EFL1: variants seen among roughly 807,000 people sequenced by gnomAD.
The protein encoded by EFL1 is elongation factor like GTPase 1.
A neutral mutation model predicts 126.7 loss-of-function variants in EFL1; 76 were observed. The observed-to-expected ratio is 0.60, with a 90% confidence interval of 0.50 to 0.73. The LOEUF (loss-of-function observed/expected upper bound fraction) is 0.73, where lower values mean the gene tolerates loss of function less well. EFL1 is among the 30% of genes least tolerant of loss of function. The pLI is 0.00. For missense variants in EFL1, 1,128 were observed against 1,343.2 expected, an observed-to-expected ratio of 0.84 and a Z score of 2.50; for synonymous variants, 410 against 448.4, an observed-to-expected ratio of 0.91 and a Z score of 1.08.
At chr15:82,215,463 T>C (rs1373106315) in intron 14 of EFL1, 2 of 152,094 alleles carry the variant, frequency 1.3e-5, no homozygotes, top group African/African-American at 4.8e-5. Context: ...ACAGCAAAAA[T>C]ATACAAGTAC....
At chr15:82,252,920 T>C in intron 3 of EFL1, 145 bp from the exon 4 acceptor site, 1 of 636,572 alleles carries the variant, frequency 1.6e-6, no homozygotes, top group Non-Finnish European at 2.7e-6. Flanking sequence ...CTTGCTATGT[T>C]GCCCACACTA....
chr15:82,139,624 A>G (rs1472454415), intron 18 of EFL1, among the ~76,000 whole-genome samples: 8 of 152,252 alleles, frequency 5.3e-5, no homozygotes, highest in Non-Finnish European at 1.2e-4. Flanking sequence ...CAGACCCTGC[A>G]AAGAATAGAG....
intron 16 of EFL1, among the ~76,000 whole-genome samples, chr15:82,162,871 A>T (rs753276189): frequency 2.6e-5 from 4 of 152,232 alleles, no homozygotes; most frequent in Non-Finnish European, 2.9e-5. Flanking sequence ...ACACCTCAAC[A>T]GAAAACTACC....
At chr15:82,217,751 G>A (rs1460783069) in intron 14 of EFL1, among the ~76,000 whole-genome samples, 2 of 152,192 alleles carry the variant, frequency 1.3e-5, no homozygotes, top group African/African-American at 4.8e-5. Context: ...CTTCTCGAGT[G>A]TGAGTGGGAC....
At chr15:82,217,373 G>GAAAAAAAAAAAAA in intron 14 of EFL1, among the ~76,000 whole-genome samples, 3 of 27,148 alleles carry the variant, frequency 1.1e-4, no homozygotes, top group African/African-American at 1.5e-4. Flanking sequence ...GATTAGATTT[G>GAAAAAAAAAAAAA]AAAAAAAAAA....
intron 19 of EFL1, among the ~76,000 whole-genome samples, chr15:82,133,958 C>G (rs1337183377): frequency 1.3e-5 from 2 of 152,144 alleles, no homozygotes; most frequent in Non-Finnish European, 2.9e-5. Flanking sequence ...CCAGAGTGAA[C>G]GTGGTGTGAG....
chr15:82,149,949 G>C (rs1355003568), intron 18 of EFL1, among the ~76,000 whole-genome samples: 1 of 152,126 alleles, frequency 6.6e-6, no homozygotes, highest in Non-Finnish European at 1.5e-5. Flanking sequence ...AAAGATTTGA[G>C]GGATTAAGAT....
chr15:82,183,561 T>G (rs2074273607), intron 15 of EFL1, among the ~76,000 whole-genome samples: 1 of 152,070 alleles, frequency 6.6e-6, no homozygotes, highest in Non-Finnish European at 1.5e-5. Flanking sequence ...TGAGAACAGG[T>G]TTGGTGATAA....
At position 82,204,952 on chromosome 15, in the gene EFL1, C is replaced by G. The variant is rs151227208; in HGVS notation, c.1750+9765G>C. Among the ~76,000 whole-genome samples the G allele has an allele frequency of 5.4e-3, 830 of 152,306 alleles. 3 individuals carry two copies. Among genetic ancestry groups the G allele is most frequent in the Admixed American group, 0.012 (188 of 15,302 alleles). The stretch of plus-strand genomic sequence containing the variant: ...TAAATACAATTGTTCACTTTTTCAA[C>G]TACTGTACCTGAAATAGGATTAGTA... On this transcript the variant is annotated intron_variant, in intron 15 of 19. Transcript: ENST00000268206.
intron 14 of EFL1, among the ~76,000 whole-genome samples, chr15:82,219,387 G>C (rs1353297041): frequency 1.3e-5 from 2 of 152,106 alleles, no homozygotes; most frequent in Admixed American, 1.3e-4. Context: ...CTAACCACAA[G>C]GTGACTCTTG....
chr15:82,219,876 C>T (rs1269488051), intron 13 of EFL1, 58 bp from the exon 14 acceptor site: 2 of 1,551,676 alleles, frequency 1.3e-6, no homozygotes, highest in African/African-American at 2.8e-5. Context: ...CAAGAACTGT[C>T]TGAAATATAG....
chr15:82,150,123 T>C (rs1374327732), intron 18 of EFL1, among the ~76,000 whole-genome samples: 1 of 152,208 alleles, frequency 6.6e-6, no homozygotes, highest in Non-Finnish European at 1.5e-5. Context: ...GTATATGACA[T>C]GCTGTATTTG....
intron 6 of EFL1, among the ~76,000 whole-genome samples, chr15:82,239,431 C>T (rs944048356): frequency 9.2e-5 from 14 of 152,184 alleles, no homozygotes; most frequent in Non-Finnish European, 1.6e-4. Context: ...CCAGCTCGCC[C>T]GGCCTACCTC....
intron 15 of EFL1, among the ~76,000 whole-genome samples, chr15:82,171,145 A>G (rs1454579117): frequency 6.6e-6 from 1 of 152,230 alleles, no homozygotes; most frequent in Non-Finnish European, 1.5e-5. Flanking sequence ...AGGTATACAA[A>G]TGGTCCTGAT....
intron 3 of EFL1, 23 bp downstream of exon 3, chr15:82,259,065 G>C (rs781287891): frequency 1.2e-5 from 20 of 1,603,076 alleles, no homozygotes; most frequent in Non-Finnish European, 1.6e-5. Flanking sequence ...AATGCAACAA[G>C]TATTTATAAA....
At chr15:82,133,630 C>T (rs1359019757) in intron 19 of EFL1, among the ~76,000 whole-genome samples, 3 of 152,200 alleles carry the variant, frequency 2.0e-5, no homozygotes, top group Non-Finnish European at 4.4e-5. Flanking sequence ...TTTTTGGTAA[C>T]TTCCTATGGA....
rs1381092640 is a variant in EFL1 at position 82,219,727 on chromosome 15, G to A, written c.1536C>T (p.Phe512=). ...TCTTTCCTCTTCGAGCCACACCACTGAACACCCGAGCAAATGCAATAAAAG... is the reference window on the plus strand; with the variant it reads ...TCTTTCCTCTTCGAGCCACACCACTAAACACCCGAGCAAATGCAATAAAAG... The part of the protein sequence containing the change: ...QESFIAFARV[F]SGVARRGKKI... Residue 512 remains phenylalanine, a synonymous_variant, in exon 14 of 20, where the codon TTC becomes TTT. Coordinates refer to ENST00000268206, the MANE Select transcript of EFL1 (RefSeq NM_024580.6). The A allele has an allele frequency of 1.9e-6, 3 of 1,613,974 alleles. No individual in the cohort carries two copies. In the African/African-American group the frequency reaches 4.0e-5, roughly 22 times the overall value.
chr15:82,191,328 G>C (rs949723090), intron 15 of EFL1, among the ~76,000 whole-genome samples: 3 of 152,140 alleles, frequency 2.0e-5, no homozygotes, highest in Non-Finnish European at 2.9e-5. Flanking sequence ...TCACTCAAAT[G>C]TAGCCTATCT....
intron 12 of EFL1, among the ~76,000 whole-genome samples, chr15:82,224,690 A>G (rs1281103117): frequency 2.6e-5 from 4 of 152,190 alleles, no homozygotes; most frequent in African/African-American, 9.6e-5. Flanking sequence ...ACACATAAAA[A>G]ACAGGAAATG....
Sources: allele counts gnomAD v4.1 joint callset (sites outside exome capture counted in the v4.1 genomes callset), GRCh38; gene constraint gnomAD v4.1.1; transcripts MANE v1.5; gene names NCBI Gene and HGNC (gene_info 2026-07-23, HGNC 2026-07-21).